GALNT10: variants seen among roughly 807,000 people sequenced by gnomAD.
The protein encoded by GALNT10 is polypeptide N-acetylgalactosaminyltransferase 10.
GALNT10 carries 41 observed loss-of-function variants against 75.0 expected under a neutral mutation model. The ratio of observed to expected loss-of-function variants is 0.55; its 90% CI spans 0.43 to 0.71. GALNT10 has a LOEUF of 0.71. GALNT10 is among the 30% of genes least tolerant of loss of function. The pLI is 0.00. For missense variants in GALNT10, 727 were observed against 818.5 expected (o/e 0.89, Z 1.36); for synonymous variants, 302 against 313.0 (o/e 0.96, Z 0.37).
intron 3 of GALNT10, among the ~76,000 whole-genome samples, chr5:154,313,903 A>T (rs1482337723): frequency 1.3e-5 from 2 of 152,186 alleles, no homozygotes; most frequent in East Asian, 1.9e-4. Flanking sequence ...TCTGCCTCTT[A>T]TTCTGGTGGA....
At chr5:154,259,312 C>G (rs1753663168) in intron 1 of GALNT10, among the ~76,000 whole-genome samples, 1 of 152,126 alleles carries the variant, frequency 6.6e-6, no homozygotes, top group Non-Finnish European at 1.5e-5. Flanking sequence ...TAATTTGACA[C>G]ATTTAGGCAA....
chr5:154,380,627 T>A lies in GALNT10; in HGVS notation c.934T>A (p.Phe312Ile), dbSNP rs748552291. Reference sequence around the variant, plus strand: ...GCAGAAAGCTGACCCCAGCGACCCATTTGAGTAAGTATGAACAACCCTGGC... The same window carrying A: ...GCAGAAAGCTGACCCCAGCGACCCAATTGAGTAAGTATGAACAACCCTGGC... ...ELQKADPSDPFESPVMAGGLF... is the reference protein window; with the variant it reads ...ELQKADPSDPIESPVMAGGLF... The change falls in exon 6 of 12, where the codon TTT becomes ATT. Residue 312 changes from phenylalanine (F) to isoleucine (I), a missense_variant. Phe to Ile is a conservative substitution (Grantham distance 21, BLOSUM62 0). Coordinates refer to ENST00000297107, the MANE Select transcript of GALNT10 (RefSeq NM_198321.4). The A allele has an allele frequency of 1.2e-6, 2 of 1,609,778 alleles. No homozygotes were observed.
chr5:154,385,057 G>A (rs1036887578), intron 6 of GALNT10, among the ~76,000 whole-genome samples: 11 of 152,226 alleles, frequency 7.2e-5, no homozygotes, highest in Admixed American at 5.2e-4. Context: ...AGCTGCTTGG[G>A]CAGCTTTTGG....
chr5:154,196,335 G>A (rs1774938664), intron 1 of GALNT10, among the ~76,000 whole-genome samples: 1 of 152,208 alleles, frequency 6.6e-6, no homozygotes, highest in South Asian at 2.1e-4. Context: ...TGCTATCCCT[G>A]ACAGACAGAG....
At chr5:154,367,804 G>T (rs953298503) in intron 4 of GALNT10, among the ~76,000 whole-genome samples, 5 of 150,946 alleles carry the variant, frequency 3.3e-5, no homozygotes, top group African/African-American at 1.2e-4. Context: ...GTTGCAGTGA[G>T]CCGAGATCGC....
At chr5:154,224,643 A>T (rs1323103405) in intron 1 of GALNT10, among the ~76,000 whole-genome samples, 1 of 152,158 alleles carries the variant, frequency 6.6e-6, no homozygotes, top group Non-Finnish European at 1.5e-5. Context: ...ATTCATCCAA[A>T]CATTTATTCA....
intron 1 of GALNT10, among the ~76,000 whole-genome samples, chr5:154,192,727 C>T (rs1455778939): frequency 6.6e-6 from 1 of 152,176 alleles, no homozygotes; most frequent in Non-Finnish European, 1.5e-5. Flanking sequence ...CCATACTGGA[C>T]ACAGCTCCAG....
chr5:154,249,009 C>T (rs1345495159), intron 1 of GALNT10, among the ~76,000 whole-genome samples: 2 of 152,242 alleles, frequency 1.3e-5, no homozygotes, highest in Admixed American at 6.5e-5. Context: ...CTCTCAGTAG[C>T]TTTGCAGCTT....
intron 4 of GALNT10, among the ~76,000 whole-genome samples, chr5:154,363,988 A>T (rs541575753): frequency 2.0e-4 from 31 of 152,286 alleles, no homozygotes; most frequent in African/African-American, 7.0e-4. Context: ...CTGTGAGGAA[A>T]ATCAATCACT....
At chr5:154,369,391 A>G (rs1029897875) in intron 4 of GALNT10, among the ~76,000 whole-genome samples, 1 of 152,132 alleles carries the variant, frequency 6.6e-6, no homozygotes, top group African/African-American at 2.4e-5. Flanking sequence ...TCGTCTCAAA[A>G]ACAAACAAAA....
In GALNT10 at chr5:154,386,228, G is replaced by A. The variant is rs548095411; in HGVS notation, c.939-85G>A. 1.2e-4 allele frequency: 113 copies of A among 956,844 alleles called. No individual in the cohort carries two copies. The South Asian group carries it at 1.5e-3, about 13-fold the overall frequency. The allele number at this position is 956,844 out of a possible 1,614,324, so 59.3% of individuals were successfully genotyped here. A position where few individuals can be genotyped will look rare whatever the true frequency, so the allele number is the denominator to read the frequency against. ...TCAGGGAGCAGCATGGAACACCGCC[G>A]CTGGGGGAATGGCATTATCGGGCCA... is the stretch of plus-strand genomic sequence containing the variant. On this transcript the variant is annotated intron_variant, in intron 6 of 11. Coordinates refer to ENST00000297107, the MANE Select transcript of GALNT10 (RefSeq NM_198321.4).
chr5:154,419,052 C>A lies in GALNT10; in HGVS notation c.*2080C>A. The stretch of plus-strand genomic sequence containing the variant: ...ACTTGAACCATTTCCTAGTGCCTTG[C>A]TAGACAAACATAAAGGGGCAGGGTT... On this transcript the variant is annotated 3_prime_UTR_variant, in exon 12 of 12. Transcript: ENST00000297107. 6.6e-6 allele frequency: 1 copy of A among 152,402 alleles called. No individual in the cohort carries two copies. Among genetic ancestry groups the A allele is most frequent in the Non-Finnish European group, 1.5e-5 (1 of 67,980 alleles). 9.4% of individuals were successfully genotyped at this position (152,402 alleles called of 1,614,324 possible).
At chr5:154,235,502 C>T (rs1753231863) in intron 1 of GALNT10, among the ~76,000 whole-genome samples, 1 of 152,136 alleles carries the variant, frequency 6.6e-6, no homozygotes, top group Admixed American at 6.6e-5. Flanking sequence ...AGTTTGAGAA[C>T]AGGAGTTCTC....
At chr5:154,218,658 G>A (rs1319035264) in intron 1 of GALNT10, among the ~76,000 whole-genome samples, 1 of 152,048 alleles carries the variant, frequency 6.6e-6, no homozygotes, top group Admixed American at 6.6e-5. Context: ...TTGTTAATAC[G>A]TTAAAACCAC....
At chr5:154,258,633 A>T (rs187344815) in intron 1 of GALNT10, among the ~76,000 whole-genome samples, 1 of 152,120 alleles carries the variant, frequency 6.6e-6, no homozygotes, top group Non-Finnish European at 1.5e-5. Context: ...TGGGCTTTCT[A>T]TGCTTCTTGA....
intron 1 of GALNT10, among the ~76,000 whole-genome samples, chr5:154,249,069 T>C (rs530328908): frequency 1.3e-5 from 2 of 152,364 alleles, no homozygotes; most frequent in South Asian, 4.1e-4. Flanking sequence ...AAATCCAGCT[T>C]CTAGTTTAGT....
Position 154,225,134 on chromosome 5 carries a change from C to G in GALNT10, c.159+34109C>G, listed in dbSNP as rs553411057. ...TTTAGACAGAGTCTTGCTCTGTCAC[C>G]CAGGCTGGAGTGTAGTGGCGCAATC... is the stretch of plus-strand genomic sequence containing the variant. On this transcript the variant is annotated intron_variant, in intron 1 of 11. Transcript: ENST00000297107. Among the ~76,000 whole-genome samples, 17 of 151,342 alleles carry G rather than the reference C, an allele frequency of 1.1e-4. No individual in the cohort carries two copies. The East Asian group carries it at 2.9e-3, about 26-fold the overall frequency.
intron 7 of GALNT10, chr5:154,392,193 C>G (rs1478178761): frequency 6.6e-6 from 1 of 152,348 alleles, no homozygotes; most frequent in Non-Finnish European, 1.5e-5. Context: ...TTAGTCTGGC[C>G]AACCCTCATT....
chr5:154,270,200 C>T (rs1343734227), intron 1 of GALNT10, among the ~76,000 whole-genome samples: 10 of 151,182 alleles, frequency 6.6e-5, no homozygotes, highest in Admixed American at 5.9e-4. Context: ...AAGCTTACAT[C>T]TCACATCTTT....
Sources: gnomAD v4.1 joint callset for allele counts (sites outside exome capture counted in the v4.1 genomes callset) on GRCh38, gnomAD v4.1.1 for gene constraint, MANE v1.5 for transcripts, NCBI Gene and HGNC (gene_info 2026-07-23, HGNC 2026-07-21) for gene names.